FAM135B: variants seen among roughly 807,000 people sequenced by gnomAD.
The protein encoded by FAM135B is protein FAM135B.
FAM135B carries 43 observed loss-of-function variants against 127.7 expected under a neutral mutation model. That is an observed-to-expected ratio of 0.34 (90% CI 0.26 to 0.43). The LOEUF (loss-of-function observed/expected upper bound fraction) is 0.43, where lower values mean the gene tolerates loss of function less well. FAM135B is among the 20% of genes least tolerant of loss of function. The pLI is 1.00. For synonymous variants in FAM135B, 670 were observed against 665.1 expected (o/e 1.01, Z -0.11); for missense variants, 1,558 against 1,725.6 (o/e 0.90, Z 1.72).
intron 9 of FAM135B, among the ~76,000 whole-genome samples, chr8:138,190,767 C>T (rs1458785022): frequency 6.6e-6 from 1 of 152,182 alleles, no homozygotes; most frequent in Admixed American, 6.5e-5. Context: ...CTTCACCACC[C>T]CTTATCTTAA....
intron 12 of FAM135B, among the ~76,000 whole-genome samples, chr8:138,161,778 C>T (rs1819427095): frequency 6.6e-6 from 1 of 152,200 alleles, no homozygotes; most frequent in Non-Finnish European, 1.5e-5. Flanking sequence ...TTCCCACGAC[C>T]TACCGCAAGT....
intron 2 of FAM135B, among the ~76,000 whole-genome samples, chr8:138,343,725 C>T (rs1829210649): frequency 6.6e-6 from 1 of 152,192 alleles, no homozygotes; most frequent in Non-Finnish European, 1.5e-5. Flanking sequence ...TCTACTGTGT[C>T]CCCTGGAACT....
At chr8:138,147,122 T>C (rs1202087590) in intron 14 of FAM135B, among the ~76,000 whole-genome samples, 1 of 152,156 alleles carries the variant, frequency 6.6e-6, no homozygotes, top group Non-Finnish European at 1.5e-5. Flanking sequence ...GTCACAGTCA[T>C]AAAATGGTCA....
chr8:138,282,779 T>G (rs1276363495), intron 3 of FAM135B, among the ~76,000 whole-genome samples: 2 of 152,236 alleles, frequency 1.3e-5, no homozygotes, highest in Non-Finnish European at 2.9e-5. Context: ...TGGTGGTTTC[T>G]TACAAAACTA....
intron 9 of FAM135B, among the ~76,000 whole-genome samples, chr8:138,185,163 C>T (rs1056728335): frequency 1.3e-5 from 2 of 152,136 alleles, no homozygotes; most frequent in African/African-American, 4.8e-5. Context: ...GCTTTAGTTT[C>T]CCCACTAGGA....
intron 12 of FAM135B, among the ~76,000 whole-genome samples, chr8:138,159,266 G>A (rs1273815948): frequency 3.6e-5 from 1 of 27,800 alleles, no homozygotes; most frequent in Non-Finnish European, 7.3e-5. Context: ...GCGACAGAGC[G>A]AGACTCCGTC....
chr8:138,466,701 A>C (rs1837398983), intron 1 of FAM135B, among the ~76,000 whole-genome samples: 1 of 152,240 alleles, frequency 6.6e-6, no homozygotes. Flanking sequence ...TGATGTATCA[A>C]AACCCACTCT....
At chr8:138,140,380 T>G (rs959747800) in intron 17 of FAM135B, among the ~76,000 whole-genome samples, 4 of 152,240 alleles carry the variant, frequency 2.6e-5, no homozygotes, top group African/African-American at 7.2e-5. Context: ...CAGGGACTAC[T>G]GAGGTAGTTG....
At chr8:138,277,283 C>T (rs1460805976) in intron 3 of FAM135B, among the ~76,000 whole-genome samples, 1 of 152,148 alleles carries the variant, frequency 6.6e-6, no homozygotes. Flanking sequence ...ACTGCAGATA[C>T]ACAGTCTGTC....
intron 7 of FAM135B, among the ~76,000 whole-genome samples, chr8:138,226,694 T>C (rs1341790134): frequency 6.6e-6 from 1 of 152,190 alleles, no homozygotes; most frequent in Non-Finnish European, 1.5e-5. Flanking sequence ...CTCAAGTAGC[T>C]GGGATTACAG....
intron 1 of FAM135B, among the ~76,000 whole-genome samples, chr8:138,431,967 T>C (rs1476892080): frequency 6.6e-6 from 1 of 152,092 alleles, no homozygotes; most frequent in Non-Finnish European, 1.5e-5. Flanking sequence ...TAACCAACAA[T>C]ACCAGACTTC....
intron 2 of FAM135B, among the ~76,000 whole-genome samples, chr8:138,337,762 A>C (rs1479153933): frequency 1.3e-5 from 2 of 152,208 alleles, no homozygotes; most frequent in South Asian, 2.1e-4. Context: ...AAACTACTTT[A>C]AAGTTCATAT....
At chr8:138,137,052 A>G in intron 19 of FAM135B, 95 bp downstream of exon 19, 2 of 729,634 alleles carry the variant, frequency 2.7e-6, no homozygotes, top group Non-Finnish European at 5.0e-6. Flanking sequence ...CACTAAACCT[A>G]TAGCCCAGGT....
intron 2 of FAM135B, among the ~76,000 whole-genome samples, chr8:138,359,624 G>T (rs1220126623): frequency 2.6e-5 from 4 of 152,204 alleles, no homozygotes; most frequent in African/African-American, 9.6e-5. Flanking sequence ...GGGAATGAAT[G>T]AAAAGGATCT....
At chr8:138,298,983 C>T (rs1316445707) in intron 3 of FAM135B, among the ~76,000 whole-genome samples, 7 of 151,668 alleles carry the variant, frequency 4.6e-5, no homozygotes, top group Non-Finnish European at 8.8e-5. Context: ...TCACTTGAAC[C>T]CGGGATGCGG....
At chr8:138,222,008 C>T (rs566741870) in intron 7 of FAM135B, among the ~76,000 whole-genome samples, 20 of 152,048 alleles carry the variant, frequency 1.3e-4, no homozygotes, top group African/African-American at 3.4e-4. Context: ...AATTCAGAAA[C>T]GGCAGCAATG....
At chr8:138,308,517 T>C (rs1311770451) in intron 3 of FAM135B, among the ~76,000 whole-genome samples, 1 of 152,238 alleles carries the variant, frequency 6.6e-6, no homozygotes, top group Admixed American at 6.5e-5. Flanking sequence ...TTGTAAATTA[T>C]TGCTGGCCAC....
At chr8:138,398,202 A>G (rs1319037262) in intron 1 of FAM135B, among the ~76,000 whole-genome samples, 1 of 152,068 alleles carries the variant, frequency 6.6e-6, no homozygotes, top group African/African-American at 2.4e-5. Context: ...AGCCCAGAGG[A>G]GTTATGGCAC....
At chr8:138,467,730 T>G (rs1837453951) in intron 1 of FAM135B, among the ~76,000 whole-genome samples, 1 of 152,208 alleles carries the variant, frequency 6.6e-6, no homozygotes, top group South Asian at 2.1e-4. Flanking sequence ...CTGTTGTAGA[T>G]TTAAAGAGAA....
Sources: allele counts gnomAD v4.1 joint callset (sites outside exome capture counted in the v4.1 genomes callset), GRCh38; gene constraint gnomAD v4.1.1; transcripts MANE v1.5; gene names NCBI Gene and HGNC (gene_info 2026-07-23, HGNC 2026-07-21).